The following CBR4 variants were observed in gnomAD, a reference collection of about 807,000 sequenced individuals.
CBR4 encodes 3-oxoacyl-[acyl-carrier-protein] reductase.
In CBR4, 22 loss-of-function variants were observed where a neutral mutation model predicts 21.0. The observed-to-expected ratio is 1.05, with a 90% CI of 0.75 to 1.50. The LOEUF (loss-of-function observed/expected upper bound fraction) is 1.50, where lower values mean the gene tolerates loss of function less well. CBR4 is among the 40% of genes most tolerant of loss of function. The pLI is 0.00. For synonymous variants in CBR4, 100 were observed against 104.4 expected (o/e 0.96, Z 0.26); for missense variants, 302 against 286.3 (o/e 1.05, Z -0.40).
intron 2 of CBR4, chr4:168,924,912 T>G (rs1762279749): frequency 1.2e-6 from 2 of 1,613,556 alleles, no homozygotes; most frequent in South Asian, 2.2e-5. Flanking sequence ...TTTAAAAAAT[T>G]TAGAACCCTA....
intron 2 of CBR4, among the ~76,000 whole-genome samples, chr4:168,963,786 C>T (rs1187890372): frequency 1.3e-5 from 2 of 152,076 alleles, no homozygotes; most frequent in African/African-American, 2.4e-5. Flanking sequence ...CTATTAATAG[C>T]TACTGTACCA....
chr4:168,934,473 A>G (rs980733760), intron 2 of CBR4, among the ~76,000 whole-genome samples: 1 of 151,986 alleles, frequency 6.6e-6, no homozygotes, highest in Non-Finnish European at 1.5e-5. Context: ...AGACCCAAAT[A>G]AACAAAATCA....
At chr4:168,979,483 C>T (rs1035378993) in intron 2 of CBR4, among the ~76,000 whole-genome samples, 35 of 152,328 alleles carry the variant, frequency 2.3e-4, no homozygotes, top group Non-Finnish European at 4.1e-4. Context: ...ACCCAGCCCC[C>T]GCCTGATCAG....
downstream of CBR4, among the ~76,000 whole-genome samples, chr4:168,984,336 A>G (rs2126789568): frequency 2.0e-5 from 3 of 152,312 alleles, no homozygotes; most frequent in Middle Eastern, 0.01. Flanking sequence ...ACTTAGCAAT[A>G]CAGCTAACCA....
At chr4:168,903,943 CT>C in intron 2 of CBR4, 5 of 1,579,972 alleles carry the variant, frequency 3.2e-6, no homozygotes, top group Non-Finnish European at 4.4e-6. Context: ...AGTTCTGTGT[CT>C]AGTGCTTACA....
chr4:168,951,335 C>T (rs1048781232), intron 2 of CBR4, among the ~76,000 whole-genome samples: 2 of 152,160 alleles, frequency 1.3e-5, no homozygotes, highest in African/African-American at 2.4e-5. Context: ...GGATTACAGG[C>T]GTGAGCCACT....
Position 168,990,165 on chromosome 4 carries a change from T to C in CBR4, c.699A>G (p.Leu233=), listed in dbSNP as rs757022728. Reference sequence around the variant, plus strand: ...AATCTGCAAATTACAAAATGAGTTGTAATCCCCCATCCACTACCAGAACAT... The same window carrying C: ...AATCTGCAAATTACAAAATGAGTTGCAATCCCCCATCCACTACCAGAACAT... ...TGHVLVVDGG[L]QLIL is the part of the protein sequence containing the mutation. Residue 233 remains leucine, a synonymous_variant, in exon 5 of 5, where the codon TTA becomes TTG. Transcript: ENST00000306193. 1 of 1,600,372 alleles carries C rather than the reference T, an allele frequency of 6.2e-7. No homozygotes were observed. The highest frequency in any genetic ancestry group is 8.5e-7 in the Non-Finnish European group (1 of 1,174,026).
intron 2 of CBR4, among the ~76,000 whole-genome samples, chr4:168,967,231 T>C (rs1470488012): frequency 6.6e-6 from 1 of 152,070 alleles, no homozygotes; most frequent in African/African-American, 2.4e-5. Flanking sequence ...CTGGAAACCA[T>C]CATTCTAAGC....
chr4:168,978,766 A>G (rs1578971869), intron 2 of CBR4, among the ~76,000 whole-genome samples: 1 of 151,876 alleles, frequency 6.6e-6, no homozygotes, highest in African/African-American at 2.4e-5. Flanking sequence ...TCTCACGCAT[A>G]CCCCCAGGAG....
At chr4:168,928,216 A>C (rs1243231162) in intron 2 of CBR4, 1 of 185,282 alleles carries the variant, frequency 5.4e-6, no homozygotes, top group Non-Finnish European at 1.1e-5. Context: ...CTATTGTAGA[A>C]TTATGACTTA....
intron 2 of CBR4, among the ~76,000 whole-genome samples, chr4:168,976,138 G>A (rs28523331): frequency 0.68 from 102,887 of 152,044 alleles, 36,754 homozygotes; most frequent in East Asian, 0.96. Flanking sequence ...GCTACTCAGG[G>A]AAGTTCACGC....
intron 3 of CBR4, among the ~76,000 whole-genome samples, chr4:169,004,771 T>C (rs912727714): frequency 1.3e-5 from 2 of 152,232 alleles, no homozygotes; most frequent in Non-Finnish European, 2.9e-5. Context: ...ATTATACACT[T>C]TTTGTAAAAG....
intron 2 of CBR4, among the ~76,000 whole-genome samples, chr4:168,910,563 G>C (rs1758721374): frequency 1.3e-5 from 2 of 152,128 alleles, no homozygotes; most frequent in African/African-American, 2.4e-5. Context: ...CATAGTGAGT[G>C]CTACAATAAT....
At chr4:168,896,594 CA>C in intron 2 of CBR4, 1 of 1,504,790 alleles carries the variant, frequency 6.6e-7, no homozygotes, top group Non-Finnish European at 8.9e-7. Flanking sequence ...TCTGGATGGT[CA>C]AAAGGTTAAG....
rs988172458 is a variant in CBR4, at chr4:168,989,024, T to C, written c.*1126A>G. ...TATTACCTGGTATTTCACATTCGGT[T>C]TGTGTCTTTATCTCTACTCCCAGGC... On this transcript the variant is annotated 3_prime_UTR_variant, in exon 5 of 5. Coordinates refer to ENST00000306193, the MANE Select transcript of CBR4 (RefSeq NM_032783.5). 2 of 984,518 alleles carry C rather than the reference T, an allele frequency of 2.0e-6. No individual in the cohort carries two copies. The highest frequency in any genetic ancestry group is 1.7e-5 in the African/African-American group (1 of 57,234). The allele number at this position is 984,518 out of a possible 1,614,324, so 61.0% of individuals were successfully genotyped here. A position where few individuals can be genotyped will look rare whatever the true frequency, so the allele number is the denominator to read the frequency against.
intron 4 of CBR4, among the ~76,000 whole-genome samples, chr4:168,997,639 C>T (rs1290046946): frequency 1.3e-5 from 2 of 152,108 alleles, no homozygotes; most frequent in African/African-American, 4.8e-5. Flanking sequence ...TATCCTTTAT[C>T]GATTTCTGAC....
At chr4:168,904,116 C>G (rs1757122921) in intron 2 of CBR4, 2 of 570,000 alleles carry the variant, frequency 3.5e-6, no homozygotes, top group Non-Finnish European at 6.2e-6. Flanking sequence ...TTATTCTACT[C>G]CTTCCACAAA....
At chr4:168,969,941 T>C (rs72704274) in intron 2 of CBR4, among the ~76,000 whole-genome samples, 12,449 of 152,290 alleles carry the variant, frequency 0.082, 668 homozygotes, top group Middle Eastern at 0.2. Flanking sequence ...ATCAGACTTA[T>C]TAATTTTTGC....
rs1320746442 is a variant in CBR4 at position 168,961,960 on chromosome 4, GAGGAGAGGAGAGGAGAGGAGAGGA to G, written n.169+40087_169+40110del. ...GAGCACAGGAGAGGAGAGGAGAGGA[GAGGAGAGGAGAGGAGAGGAGAGGA>G]GAGGAGAGGAAAGGAAAGGAGAGGA... On this transcript the variant is annotated intron_variant and non_coding_transcript_variant, in intron 2 of 3. Coordinates refer to the CBR4 transcript ENST00000509108. Among the ~76,000 whole-genome samples the G allele has an allele frequency of 4.1e-4, 5 of 12,174 alleles. No homozygotes were observed. In the East Asian group the frequency reaches 0.25, roughly 609 times the overall value. The allele number at this position is 12,174 out of a possible 152,430, so 8.0% of individuals were successfully genotyped here. A position where few individuals can be genotyped will look rare whatever the true frequency, so the allele number is the denominator to read the frequency against.
Sources: allele counts gnomAD v4.1 joint callset (sites outside exome capture counted in the v4.1 genomes callset), GRCh38; gene constraint gnomAD v4.1.1; transcripts MANE v1.5; gene names NCBI Gene and HGNC (gene_info 2026-07-23, HGNC 2026-07-21).